Variants in GSTM3 observed in about 807,000 individuals in gnomAD.
GSTM3 encodes GST class-mu 3.
A neutral mutation model predicts 36.1 loss-of-function variants in GSTM3; 34 were observed. The observed-to-expected ratio is 0.94, with a 90% CI of 0.72 to 1.25. The LOEUF is 1.25. GSTM3 is among the 50% of genes most tolerant of loss of function. GSTM3 has a pLI of 0.00. For synonymous variants in GSTM3, 102 were observed against 99.5 expected (o/e 1.03, Z -0.15); for missense variants, 266 against 281.6 (o/e 0.94, Z 0.40).
rs1342563489 is a variant in GSTM3 at position 109,735,696 on chromosome 1, G to T, written c.*1375C>A. The T allele has an allele frequency of 7.3e-6, 1 of 137,246 alleles. No individual in the cohort carries two copies. Among genetic ancestry groups the T allele is most frequent in the African/African-American group, 2.7e-5 (1 of 36,558 alleles). The allele number at this position is 137,246 out of a possible 1,614,324, so 8.5% of individuals were successfully genotyped here. On this transcript the variant is annotated 3_prime_UTR_variant, in exon 9 of 9. Transcript: ENST00000361066. ...TCTCGCCCTGTAGCCAGGCTGGAGT[G>T]CAGTGGCGTGATCTCGGCTCACTGC... is the stretch of plus-strand genomic sequence containing the variant.
Position 109,734,462 on chromosome 1 carries a change from A to G in GSTM3, c.*2609T>C, listed in dbSNP as rs1405228044. On this transcript the variant is annotated 3_prime_UTR_variant, in exon 9 of 9. Coordinates refer to ENST00000361066, the MANE Select transcript of GSTM3 (RefSeq NM_000849.5). ...CTCTCTATGTGCCTATCCATCCCTT[A>G]ACTACCTCCTCTCTTAACAGTGTTA... is the stretch of plus-strand genomic sequence containing the variant. 6.6e-6 allele frequency: 1 copy of G among 152,144 alleles called. No homozygotes were observed. Among genetic ancestry groups the G allele is most frequent in the Non-Finnish European group, 1.5e-5 (1 of 68,032 alleles). The allele number at this position is 152,144 out of a possible 1,614,324, so 9.4% of individuals were successfully genotyped here.
At position 109,737,151 on chromosome 1, in the gene GSTM3, C is replaced by T. The variant is rs750755490; in HGVS notation, c.598G>A (p.Ala200Thr). The T allele has an allele frequency of 1.2e-6, 2 of 1,613,470 alleles. No homozygotes were observed. Among genetic ancestry groups the T allele is most frequent in the Non-Finnish European group, 1.7e-6 (2 of 1,179,362 alleles). ...CAGAACTGATCAGACTGTAAGTAGG[C>T]AGCGATTTTCTCCAAAGCCTGAAAG... ...CRFEALEKIA[A>T]YLQSDQFCKM... The change falls in exon 9 of 9, where the codon GCC becomes ACC. Residue 200 changes from alanine (A) to threonine (T), a missense_variant. Physicochemically the swap from Ala to Thr is moderately conservative, Grantham distance 58 (BLOSUM62 0). Transcript: ENST00000361066.
At position 109,738,275 on chromosome 1, in the gene GSTM3, C is replaced by T. The variant is rs1489345088; in HGVS notation, c.271+10G>A. The T allele has an allele frequency of 1.2e-6, 2 of 1,611,102 alleles. No homozygotes were observed. Among genetic ancestry groups the T allele is most frequent in the South Asian group, 2.2e-5 (2 of 91,008 alleles). On this transcript the variant is annotated intron_variant, in intron 5 of 8. Transcript: ENST00000361066. ...AGCCTGGGGTCCCTCACCAGCCCTA[C>T]CCCACTCACACATGTTGTGCTTGCG...
At chr1:109,740,783 C>G (rs1202208832) in intron 1 of GSTM3, among the ~76,000 whole-genome samples, 170 bp downstream of exon 1, 1 of 152,200 alleles carries the variant, frequency 6.6e-6, no homozygotes, top group Admixed American at 6.5e-5. Flanking sequence ...AAGCTCCCCT[C>G]TCTGTCAGTC....
rs1649348061 is a variant in GSTM3 at position 109,740,477 on chromosome 1, C to T, written c.-190G>A. On this transcript the variant is annotated 5_prime_UTR_variant, in exon 2 of 9. Coordinates refer to ENST00000361066, the MANE Select transcript of GSTM3 (RefSeq NM_000849.5). ...CTAATGCCGGCGTTGGGGTTCAGGG[C>T]CTGGCGACCCCGAGGCGGGACCCGG... The T allele has an allele frequency of 1.7e-6, 1 of 599,216 alleles. No homozygotes were observed. The highest frequency in any genetic ancestry group is 3.0e-5 in the Admixed American group (1 of 32,816). 37.1% of individuals were successfully genotyped at this position (599,216 alleles called of 1,614,324 possible). A position where few individuals can be genotyped will look rare whatever the true frequency, so the allele number is the denominator to read the frequency against.
At chr1:109,738,064 C>A in intron 6 of GSTM3, 27 bp downstream of exon 6, 1 of 1,447,812 alleles carries the variant, frequency 6.9e-7, no homozygotes, top group Non-Finnish European at 9.7e-7. Context: ...ATACTCCATT[C>A]AGCAGATGTG....
At chr1:109,738,774 T>C (rs1649284516) in intron 4 of GSTM3, among the ~76,000 whole-genome samples, 1 of 152,228 alleles carries the variant, frequency 6.6e-6, no homozygotes, top group Non-Finnish European at 1.5e-5. Context: ...TTTACTTACA[T>C]GTATATAAAT....
rs992594161 is a variant in GSTM3, at chr1:109,734,097, T to G, written c.*2974A>C. 6.6e-6 allele frequency: 1 copy of G among 152,146 alleles called. No homozygotes were observed. Among genetic ancestry groups the G allele is most frequent in the East Asian group, 1.9e-4 (1 of 5,186 alleles). 9.4% of individuals were successfully genotyped at this position (152,146 alleles called of 1,614,324 possible). On this transcript the variant is annotated 3_prime_UTR_variant, in exon 9 of 9. Transcript: ENST00000361066. ...TTTTGCCCAGATGAGAGAAGTAACA[T>G]TTTCTTCTTGGGGTACTACAGCTGT...
chr1:109,738,002 C>G (rs1235340242), intron 6 of GSTM3, 89 bp downstream of exon 6: 5 of 834,410 alleles, frequency 6.0e-6, no homozygotes, highest in Non-Finnish European at 1.0e-5. Context: ...AAGGTAGCAG[C>G]AGCAGAATGG....
rs1317154741 is a variant in GSTM3, at chr1:109,734,233, T to C, written c.*2838A>G. 6.6e-6 allele frequency: 1 copy of C among 152,246 alleles called. No homozygotes were observed. Among genetic ancestry groups the C allele is most frequent in the Non-Finnish European group, 1.5e-5 (1 of 68,042 alleles). 9.4% of individuals were successfully genotyped at this position (152,246 alleles called of 1,614,324 possible). ...AATGCTAATGTCATGTTTAATGACATTATAATGAGCTGGGTTAAATTAGGG... is the reference window on the plus strand; with the variant it reads ...AATGCTAATGTCATGTTTAATGACACTATAATGAGCTGGGTTAAATTAGGG... On this transcript the variant is annotated 3_prime_UTR_variant, in exon 9 of 9. Transcript: ENST00000361066.
chr1:109,738,149 T>C lies in GSTM3; in HGVS notation c.314A>G (p.Glu105Gly), dbSNP rs1471504090. Reference sequence around the variant, plus strand: ...TGTGCGGAAATCCATTACTTGGTTCTCTATGATGTCCACTCGAATCTTTTC... The same window carrying C: ...TGTGCGGAAATCCATTACTTGGTTCCCTATGATGTCCACTCGAATCTTTTC... ...EEEKIRVDII[E>G]NQVMDFRTQL... Residue 105 changes from glutamate (E) to glycine (G), a missense_variant, in exon 6 of 9, where the codon GAG becomes GGG. Transcript: ENST00000361066. The C allele has an allele frequency of 1.2e-6, 2 of 1,613,866 alleles. No individual in the cohort carries two copies. The highest frequency in any genetic ancestry group is 2.7e-5 in the African/African-American group (2 of 74,930).
Position 109,737,104 on chromosome 1 carries a change from C to A in GSTM3, c.645G>T (p.Lys215Asn). Residue 215 changes from lysine to asparagine, a missense_variant, in exon 9 of 9, where the codon AAG (lysine) becomes AAT (asparagine). Lys to Asn is a moderately conservative substitution (Grantham distance 94). Transcript: ENST00000361066. ...DQFCKMPINNKMAQWGNKPVC is the reference protein window; with the variant it reads ...DQFCKMPINNNMAQWGNKPVC ...CAGGCTTGTTGCCCCACTGGGCCATCTTGTTGTTGATGGGCATCTTGCAGA... is the reference window on the plus strand; with the variant it reads ...CAGGCTTGTTGCCCCACTGGGCCATATTGTTGTTGATGGGCATCTTGCAGA... 1 of 1,613,496 alleles carries A rather than the reference C, an allele frequency of 6.2e-7. No individual in the cohort carries two copies. The highest frequency in any genetic ancestry group is 8.5e-7 in the Non-Finnish European group (1 of 1,179,414).
In GSTM3 at chr1:109,738,380, G is replaced by C. The variant is rs766080624; in HGVS notation, c.190-14C>G. On this transcript the variant is annotated splice_polypyrimidine_tract_variant and intron_variant, in intron 4 of 8. Transcript: ENST00000361066. ...GAGGTAGGGCAGCTGAAAGGAAAAG[G>C]ACAGGACAAATGAACAACCTGCCTC... 6.3e-7 allele frequency: 1 copy of C among 1,591,402 alleles called. No homozygotes were observed. Among genetic ancestry groups the C allele is most frequent in the South Asian group, 1.1e-5 (1 of 90,574 alleles).
chr1:109,739,305 T>G, intron 4 of GSTM3, 124 bp downstream of exon 4: 2 of 594,962 alleles, frequency 3.4e-6, no homozygotes, highest in Admixed American at 2.3e-5. Context: ...CCCTGAATTC[T>G]ATTTATTCTA....
chr1:109,738,062 T>G, intron 6 of GSTM3, 29 bp downstream of exon 6: 3 of 1,429,628 alleles, frequency 2.1e-6, no homozygotes, highest in Non-Finnish European at 3.0e-6. Flanking sequence ...TGATACTCCA[T>G]TCAGCAGATG....
rs1025928067 is a variant in GSTM3, at chr1:109,740,474, G to T, written c.-187C>A. 4 of 603,940 alleles carry T rather than the reference G, an allele frequency of 6.6e-6. No individual in the cohort carries two copies. The East Asian group carries it at 1.2e-4, about 17-fold the overall frequency. The allele number at this position is 603,940 out of a possible 1,614,324, so 37.4% of individuals were successfully genotyped here. A position where few individuals can be genotyped will look rare whatever the true frequency, so the allele number is the denominator to read the frequency against. On this transcript the variant is annotated 5_prime_UTR_variant, in exon 2 of 9. It adds an upstream start codon to the 5' untranslated region. Transcript: ENST00000361066. The stretch of plus-strand genomic sequence containing the variant: ...CGACTAATGCCGGCGTTGGGGTTCA[G>T]GGCCTGGCGACCCCGAGGCGGGACC...
At position 109,739,330 on chromosome 1, in the gene GSTM3, C is replaced by T. The variant is rs1045842128; in HGVS notation, c.189+99G>A. ...TATTTATTCTATCCGGGTTAAGATC[C>T]CCTATTTTGCATCCTTCTGTACCAG... On this transcript the variant is annotated intron_variant, in intron 4 of 8. Coordinates refer to ENST00000361066, the MANE Select transcript of GSTM3 (RefSeq NM_000849.5). The T allele has an allele frequency of 5.8e-6, 4 of 693,270 alleles. No individual in the cohort carries two copies. In the East Asian group the frequency reaches 7.4e-5, roughly 13 times the overall value. 42.9% of individuals were successfully genotyped at this position (693,270 alleles called of 1,614,324 possible).
rs1649161746 is a variant in GSTM3 at position 109,735,083 on chromosome 1, C to T, written c.*1988G>A. 1 of 152,258 alleles carries T rather than the reference C, an allele frequency of 6.6e-6. No individual in the cohort carries two copies. The highest frequency in any genetic ancestry group is 6.5e-5 in the Admixed American group (1 of 15,288). The allele number at this position is 152,258 out of a possible 1,614,324, so 9.4% of individuals were successfully genotyped here. On this transcript the variant is annotated 3_prime_UTR_variant, in exon 9 of 9. Coordinates refer to ENST00000361066, the MANE Select transcript of GSTM3 (RefSeq NM_000849.5). ...TTAACTTGGAAATGCCCTTTAACTT[C>T]CACCATGGAGTCTGGGCCTTTATCC...
Position 109,740,180 on chromosome 1 carries a change from C to G in GSTM3, c.48+60G>C, listed in dbSNP as rs918767169. ...CTGCTGGAGATCGCGGACCCAGAGA[C>G]CCGCCCTCTCCGCGTCAGTCTCTTT... On this transcript the variant is annotated intron_variant, in intron 2 of 8. Transcript: ENST00000361066. 3 of 1,471,184 alleles carry G rather than the reference C, an allele frequency of 2.0e-6. No homozygotes were observed. The African/African-American group carries it at 4.2e-5, about 20-fold the overall frequency. 91.1% of individuals were successfully genotyped at this position (1,471,184 alleles called of 1,614,324 possible).
Sources: gnomAD v4.1 joint callset for allele counts (sites outside exome capture counted in the v4.1 genomes callset) on GRCh38, gnomAD v4.1.1 for gene constraint, MANE v1.5 for transcripts, NCBI Gene and HGNC (gene_info 2026-07-23, HGNC 2026-07-21) for gene names.